Variants in ATP10A observed in about 807,000 individuals in gnomAD.
The protein encoded by ATP10A is phospholipid-transporting ATPase VA.
ATP10A carries 111 observed loss-of-function variants against 147.8 expected under a neutral mutation model. That is an observed-to-expected ratio of 0.75 (90% CI 0.64 to 0.88). The LOEUF (loss-of-function observed/expected upper bound fraction) is 0.88, where lower values mean the gene tolerates loss of function less well. Ranked by LOEUF, ATP10A falls within the 40% of genes least tolerant of loss-of-function variation. The probability of loss-of-function intolerance (pLI) is 0.00; values close to 1 mark genes in which losing one functional copy is unlikely to be tolerated. For missense variants in ATP10A, 1,927 were observed against 1,959.0 expected (o/e 0.98, Z 0.31); for synonymous variants, 875 against 841.6 (o/e 1.04, Z -0.69).
intron 1 of ATP10A, among the ~76,000 whole-genome samples, chr15:25,817,278 T>C (rs1891702131): frequency 6.6e-6 from 1 of 152,174 alleles, no homozygotes; most frequent in African/African-American, 2.4e-5. Flanking sequence ...AGACAGGGTT[T>C]CACCATGTTG....
At chr15:25,725,518 A>G (rs1382920726) in intron 5 of ATP10A, among the ~76,000 whole-genome samples, 6 of 152,108 alleles carry the variant, frequency 3.9e-5, no homozygotes, top group Non-Finnish European at 8.8e-5. Flanking sequence ...GCCTGTGCTG[A>G]TGCAGGCTGC....
At chr15:25,685,713 A>G (rs1170997887) in intron 16 of ATP10A, among the ~76,000 whole-genome samples, 1 of 151,820 alleles carries the variant, frequency 6.6e-6, no homozygotes, top group Admixed American at 6.6e-5. Flanking sequence ...AGTCCCAGCT[A>G]CTCAGGAGGC....
intron 1 of ATP10A, among the ~76,000 whole-genome samples, chr15:25,829,543 G>A (rs1892263711): frequency 6.6e-6 from 1 of 152,190 alleles, no homozygotes; most frequent in Non-Finnish European, 1.5e-5. Context: ...ACATTCTAAT[G>A]CGGAGGAGGG....
chr15:25,741,036 G>T (rs1272462410), intron 2 of ATP10A, among the ~76,000 whole-genome samples: 2 of 152,164 alleles, frequency 1.3e-5, no homozygotes, highest in Admixed American at 6.5e-5. Context: ...GTCTTTTCTG[G>T]AGAAGCCTTC....
At chr15:25,837,571 A>T (rs776511413) in intron 1 of ATP10A, among the ~76,000 whole-genome samples, 3 of 152,274 alleles carry the variant, frequency 2.0e-5, no homozygotes. Flanking sequence ...AGGGCTTTCC[A>T]TGTAGTAGAT....
chr15:25,825,680 A>G (rs189788871), intron 1 of ATP10A, among the ~76,000 whole-genome samples: 2 of 152,374 alleles, frequency 1.3e-5, no homozygotes, highest in East Asian at 3.9e-4. Context: ...ATAAAAGTCA[A>G]TAAATAAACA....
downstream of ATP10A, among the ~76,000 whole-genome samples, chr15:25,674,347 G>A (rs1899097346): frequency 6.6e-6 from 1 of 152,208 alleles, no homozygotes; most frequent in Non-Finnish European, 1.5e-5. Context: ...GGACAAAGGA[G>A]ATTCAGGATG....
At chr15:25,804,188 G>T (rs1891068272) in intron 1 of ATP10A, among the ~76,000 whole-genome samples, 1 of 150,870 alleles carries the variant, frequency 6.6e-6, no homozygotes. Flanking sequence ...GGCTGTGTTT[G>T]TATGTAGCTT....
intron 15 of ATP10A, among the ~76,000 whole-genome samples, chr15:25,689,212 A>G (rs1224041593): frequency 6.6e-6 from 1 of 152,234 alleles, no homozygotes; most frequent in Non-Finnish European, 1.5e-5. Context: ...CTTCCGTCAA[A>G]GTGGCCTTTC....
At position 25,680,125 on chromosome 15, in the gene ATP10A, G is replaced by C; in HGVS notation, c.3862C>G (p.Pro1288Ala). 1 of 1,613,514 alleles carries C rather than the reference G, an allele frequency of 6.2e-7. No homozygotes were observed. Among genetic ancestry groups the C allele is most frequent in the East Asian group, 2.2e-5 (1 of 44,870 alleles). The change falls in exon 20 of 21, where the codon CCC becomes GCC. Residue 1288 changes from proline to alanine, a missense_variant. Coordinates refer to ENST00000555815, the MANE Select transcript of ATP10A (RefSeq NM_024490.4). Reference sequence around the variant, plus strand: ...CTATCCCGCTCCGACACCCACCTGGGCAGCAGTGCAGCGACAGGCGTCATC... The same window carrying C: ...CTATCCCGCTCCGACACCCACCTGGCCAGCAGTGCAGCGACAGGCGTCATC... ...CLMTPVAALL[P>A]RLFFRSLQGR...
chr15:25,745,807 A>C (rs1887817662), intron 2 of ATP10A, among the ~76,000 whole-genome samples: 1 of 152,204 alleles, frequency 6.6e-6, no homozygotes, highest in Non-Finnish European at 1.5e-5. Flanking sequence ...AAGAGAATAC[A>C]AATCAATTAA....
At chr15:25,675,132 C>T (rs542209578), downstream of ATP10A, among the ~76,000 whole-genome samples, 6 of 152,294 alleles carry the variant, frequency 3.9e-5, no homozygotes, top group South Asian at 1.2e-3. Context: ...GTTGGAGGCA[C>T]ATCGTGTACT....
rs534760274 is a variant in ATP10A, at chr15:25,818,578, A to G, written c.450-37355T>C. ...CAATCCCTATCAAAATACTAATATC[A>G]CTTTTCACAAAATTAGAAAAAAACC... On this transcript the variant is annotated intron_variant, in intron 1 of 20. Coordinates refer to ENST00000555815, the MANE Select transcript of ATP10A (RefSeq NM_024490.4). 1.9e-3 allele frequency among the ~76,000 whole-genome samples: 289 copies of G among 152,278 alleles called. 3 individuals carry two copies. Among genetic ancestry groups the G allele is most frequent in the African/African-American group, 6.5e-3 (270 of 41,580 alleles).
chr15:25,794,417 C>T (rs994282957), intron 1 of ATP10A, among the ~76,000 whole-genome samples: 5 of 152,232 alleles, frequency 3.3e-5, no homozygotes, highest in Admixed American at 3.3e-4. Context: ...AATATTTCTC[C>T]ATAACATATT....
intron 1 of ATP10A, among the ~76,000 whole-genome samples, chr15:25,859,884 G>A (rs1323543120): frequency 6.6e-6 from 1 of 152,110 alleles, no homozygotes; most frequent in Non-Finnish European, 1.5e-5. Context: ...AGTGGCAGCA[G>A]GTAAGACTTC....
intron 1 of ATP10A, among the ~76,000 whole-genome samples, chr15:25,848,369 A>G (rs1337957494): frequency 6.6e-6 from 1 of 151,720 alleles, no homozygotes; most frequent in Non-Finnish European, 1.5e-5. Flanking sequence ...GCCCAGTGCA[A>G]CCCCAGTCTC....
chr15:25,745,432 G>C (rs780755331), intron 2 of ATP10A, among the ~76,000 whole-genome samples: 2 of 151,898 alleles, frequency 1.3e-5, no homozygotes, highest in Non-Finnish European at 2.9e-5. Flanking sequence ...AGTGTTAAAA[G>C]AGAAGGAGGC....
intron 1 of ATP10A, among the ~76,000 whole-genome samples, chr15:25,847,354 C>A (rs1427057811): frequency 1.3e-5 from 2 of 152,170 alleles, no homozygotes; most frequent in African/African-American, 4.8e-5. Context: ...CATTTCCTCA[C>A]AGGAACAATG....
At chr15:25,798,291 C>A (rs1890775980) in intron 1 of ATP10A, among the ~76,000 whole-genome samples, 1 of 152,166 alleles carries the variant, frequency 6.6e-6, no homozygotes, top group South Asian at 2.1e-4. Context: ...GCGCTTCATG[C>A]TATAAGGTCT....
Sources: gnomAD v4.1 joint callset for allele counts (sites outside exome capture counted in the v4.1 genomes callset) on GRCh38, gnomAD v4.1.1 for gene constraint, MANE v1.5 for transcripts, NCBI Gene and HGNC (gene_info 2026-07-23, HGNC 2026-07-21) for gene names.